The following TXLNB variants were observed in gnomAD, a reference collection of about 807,000 sequenced individuals.
TXLNB encodes taxilin beta, also known as beta-taxilin.
In TXLNB, 37 loss-of-function variants were observed where a neutral mutation model predicts 57.4. That is an observed-to-expected ratio of 0.64 (90% CI 0.50 to 0.85). The LOEUF (loss-of-function observed/expected upper bound fraction) is 0.85. Among genes scored for constraint, TXLNB ranks in the 40% least tolerant of loss-of-function variants. The pLI is 0.00. For missense variants in TXLNB, 848 were observed against 825.6 expected, an observed-to-expected ratio of 1.03 and a Z score of -0.33; for synonymous variants, 302 against 309.6, an observed-to-expected ratio of 0.98 and a Z score of 0.26.
the TXLNB span, among the ~76,000 whole-genome samples, chr6:139,185,769 T>G: frequency 0.048 from 7,276 of 152,252 alleles, 186 homozygotes; most frequent in African/African-American, 0.068. Flanking sequence ...GATGGGAAAA[T>G]GCCATTTAAA....
At chr6:139,210,483 A>G in the TXLNB span, among the ~76,000 whole-genome samples, 1 of 152,216 alleles carries the variant, frequency 6.6e-6, no homozygotes, top group Non-Finnish European at 1.5e-5. Context: ...ACCAACAAGT[A>G]GATAAAGAAA....
At chr6:139,244,059 G>GT (rs927997090) in intron 9 of TXLNB, among the ~76,000 whole-genome samples, 1 of 152,078 alleles carries the variant, frequency 6.6e-6, no homozygotes, top group Non-Finnish European at 1.5e-5. Flanking sequence ...CAGGGGCCAT[G>GT]TATCTTTGCC....
Position 139,243,124 on chromosome 6 carries a change from T to A in TXLNB, c.1457A>T (p.Gln486Leu), listed in dbSNP as rs761943651. The change falls in exon 10 of 10, where the codon CAA becomes CTA. Residue 486 changes from glutamine to leucine, a missense_variant. Transcript: ENST00000358430. ...EEPESNVSVDQEIDAEEVNSV... is the reference protein window; with the variant it reads ...EEPESNVSVDLEIDAEEVNSV... ...ATTAACCTCCTCTGCGTCAATCTCT[T>A]GATCCACAGAGACGTTTGACTCTGG... is the stretch of plus-strand genomic sequence containing the variant. The A allele has an allele frequency of 6.2e-7, 1 of 1,614,084 alleles. No individual in the cohort carries two copies. Among genetic ancestry groups the A allele is most frequent in the Admixed American group, 1.7e-5 (1 of 60,002 alleles).
the TXLNB span, among the ~76,000 whole-genome samples, chr6:139,169,182 A>T: frequency 1.3e-5 from 2 of 152,048 alleles, no homozygotes; most frequent in African/African-American, 2.4e-5. Context: ...TTTCACTTTT[A>T]AAAAATTCTG....
At chr6:139,246,878 C>A (rs201594151) in intron 8 of TXLNB, among the ~76,000 whole-genome samples, 10 of 150,188 alleles carry the variant, frequency 6.7e-5, no homozygotes, top group African/African-American at 2.0e-4. Context: ...CGCACCATTG[C>A]ACTCCAGCCT....
At chr6:139,195,143 A>G in the TXLNB span, among the ~76,000 whole-genome samples, 2 of 151,708 alleles carry the variant, frequency 1.3e-5, no homozygotes, top group African/African-American at 4.8e-5. Context: ...TTCTTAGTTC[A>G]TGGCCCCTTC....
intron 8 of TXLNB, among the ~76,000 whole-genome samples, chr6:139,245,062 G>A (rs1431917809): frequency 6.6e-6 from 1 of 152,188 alleles, no homozygotes; most frequent in Non-Finnish European, 1.5e-5. Context: ...AAGCTGGCAT[G>A]GCCTTTTTAG....
At chr6:139,216,486 G>T in the TXLNB span, among the ~76,000 whole-genome samples, 1 of 99,280 alleles carries the variant, frequency 1.0e-5, no homozygotes, top group Non-Finnish European at 1.9e-5. Flanking sequence ...GGGGTGGGGG[G>T]AGGGGGGAGG....
chr6:139,268,151 C>CAAAAAAAA (rs59647726), intron 4 of TXLNB, among the ~76,000 whole-genome samples: 5 of 64,552 alleles, frequency 7.7e-5, no homozygotes, highest in Non-Finnish European at 9.9e-5. Context: ...CTCCATCTCA[C>CAAAAAAAA]AAAAAAAAAA....
the TXLNB span, among the ~76,000 whole-genome samples, chr6:139,316,747 T>C: frequency 6.6e-6 from 1 of 152,236 alleles, no homozygotes; most frequent in African/African-American, 2.4e-5. Flanking sequence ...CTGCAATTAA[T>C]GGTACAAATT....
the TXLNB span, among the ~76,000 whole-genome samples, chr6:139,215,957 T>TA: frequency 2.0e-5 from 3 of 151,510 alleles, no homozygotes; most frequent in Non-Finnish European, 4.4e-5. Context: ...TGGCAATCAT[T>TA]AAAAAATCAG....
intron 5 of TXLNB, among the ~76,000 whole-genome samples, chr6:139,261,321 TTATG>T (rs1167863114): frequency 2.6e-5 from 4 of 152,154 alleles, no homozygotes; most frequent in Non-Finnish European, 5.9e-5. Context: ...GGATTGATCC[TTATG>T]ACAAGATAAA....
At chr6:139,204,436 G>A in the TXLNB span, among the ~76,000 whole-genome samples, 25 of 152,122 alleles carry the variant, frequency 1.6e-4, no homozygotes, top group Admixed American at 7.9e-4. Context: ...TCTCCAGCTC[G>A]AGCCCAGGGA....
At chr6:139,219,796 A>G in the TXLNB span, among the ~76,000 whole-genome samples, 3 of 152,238 alleles carry the variant, frequency 2.0e-5, no homozygotes, top group Non-Finnish European at 4.4e-5. Context: ...AATCTAGAGT[A>G]TCTTGAACTG....
intron 4 of TXLNB, among the ~76,000 whole-genome samples, chr6:139,266,981 A>AAC (rs1554225658): frequency 4.0e-5 from 6 of 150,972 alleles, no homozygotes; most frequent in African/African-American, 1.5e-4. Flanking sequence ...AAAAAAAAAA[A>AAC]CCCACGAATA....
At chr6:139,282,345 G>A (rs1777075212) in intron 2 of TXLNB, among the ~76,000 whole-genome samples, 1 of 145,426 alleles carries the variant, frequency 6.9e-6, no homozygotes, top group South Asian at 2.3e-4. Flanking sequence ...GGGAGGGTGA[G>A]GTGGGCAGAT....
the TXLNB span, among the ~76,000 whole-genome samples, chr6:139,218,682 G>A: frequency 6.6e-6 from 1 of 152,122 alleles, no homozygotes; most frequent in Non-Finnish European, 1.5e-5. Flanking sequence ...AACCTGGGAG[G>A]TGGAGGTTGC....
Position 139,270,414 on chromosome 6 carries a change from C to T in TXLNB, c.687+42G>A, listed in dbSNP as rs770925071. The T allele has an allele frequency of 1.9e-6, 3 of 1,574,218 alleles. No individual in the cohort carries two copies. The African/African-American group carries it at 4.1e-5, about 22-fold the overall frequency. On this transcript the variant is annotated intron_variant, in intron 4 of 9. Transcript: ENST00000358430. Reference sequence around the variant, plus strand: ...GAGTAGCAGAGGCCTGTCTCTGTGCCCCATTCAAGAAATTATGTTATTCTG... The same window carrying T: ...GAGTAGCAGAGGCCTGTCTCTGTGCTCCATTCAAGAAATTATGTTATTCTG...
chr6:139,282,435 T>C (rs1777076633), intron 2 of TXLNB, among the ~76,000 whole-genome samples: 1 of 144,232 alleles, frequency 6.9e-6, no homozygotes. Context: ...AAATTGGCCA[T>C]GCATGGTGGC....
Sources: gnomAD v4.1 joint callset for allele counts (sites outside exome capture counted in the v4.1 genomes callset) on GRCh38, gnomAD v4.1.1 for gene constraint, MANE v1.5 for transcripts, NCBI Gene and HGNC (gene_info 2026-07-23, HGNC 2026-07-21) for gene names.